Variants in NEBL observed in about 807,000 individuals in gnomAD.
NEBL encodes the protein nebulette, also known as LIM and SH3 protein 2.
In NEBL, 122 loss-of-function variants were observed where a neutral mutation model predicts 140.2. The ratio of observed to expected loss-of-function variants is 0.87; its 90% CI spans 0.75 to 1.01. The LOEUF (loss-of-function observed/expected upper bound fraction) is 1.01. NEBL is among the 50% of genes least tolerant of loss of function. The pLI is 0.00. For synonymous variants in NEBL, 436 were observed against 398.9 expected (o/e 1.09, Z -1.11); for missense variants, 1,365 against 1,231.3 (o/e 1.11, Z -1.62).
chr10:20,796,431 C>T (rs1836552683), intron 26 of NEBL, among the ~76,000 whole-genome samples: 1 of 147,642 alleles, frequency 6.8e-6, no homozygotes, highest in Non-Finnish European at 1.5e-5. Context: ...TCTGCAGTTC[C>T]TAAATATTGA....
rs1332227096 is a variant in NEBL, at chr10:20,781,304, T to C, written c.*4443A>G. On this transcript the variant is annotated 3_prime_UTR_variant, in exon 28 of 28. Coordinates refer to ENST00000377122, the MANE Select transcript of NEBL (RefSeq NM_006393.3). ...TTCAAAACTGTTACACTCTCAAAGT[T>C]AGTCTCGCAAATTAATCATCAACCA... 5 of 152,590 alleles carry C rather than the reference T, an allele frequency of 3.3e-5. No individual in the cohort carries two copies. Among genetic ancestry groups the C allele is most frequent in the African/African-American group, 7.2e-5 (3 of 41,430 alleles). 9.5% of individuals were successfully genotyped at this position (152,590 alleles called of 1,614,324 possible). A position where few individuals can be genotyped will look rare whatever the true frequency, so the allele number is the denominator to read the frequency against.
At chr10:20,962,945 C>G (rs899069947) in intron 3 of NEBL, among the ~76,000 whole-genome samples, 2 of 150,910 alleles carry the variant, frequency 1.3e-5, no homozygotes, top group African/African-American at 4.9e-5. Flanking sequence ...TTCTATCAAG[C>G]ATTATTATCC....
intron 3 of NEBL, among the ~76,000 whole-genome samples, chr10:21,223,479 T>C (rs1459236585): frequency 6.6e-6 from 1 of 152,250 alleles, no homozygotes; most frequent in East Asian, 1.9e-4. Flanking sequence ...CTTCCAAATC[T>C]TGGCTATTAC....
chr10:21,240,901 CACACAT>C (rs1448228518), intron 3 of NEBL, among the ~76,000 whole-genome samples: 1 of 119,982 alleles, frequency 8.3e-6, no homozygotes, highest in Non-Finnish European at 1.7e-5. Context: ...GCAAAACACG[CACACAT>C]ACACACACAC....
chr10:21,057,814 G>A (rs1835099126), intron 2 of NEBL, among the ~76,000 whole-genome samples: 1 of 152,012 alleles, frequency 6.6e-6, no homozygotes, highest in East Asian at 1.9e-4. Context: ...GCCCGCCTTG[G>A]TCTCCCAAAG....
intron 3 of NEBL, among the ~76,000 whole-genome samples, chr10:20,971,251 G>A (rs1718834560): frequency 6.6e-6 from 1 of 152,024 alleles, no homozygotes; most frequent in African/African-American, 2.4e-5. Context: ...TATTAATAAG[G>A]AAAATTGAAG....
chr10:20,887,960 C>A, intron 4 of NEBL, 137 bp downstream of exon 4: 1 of 702,876 alleles, frequency 1.4e-6, no homozygotes. Flanking sequence ...CTACTGACAG[C>A]ACATTAATCA....
At chr10:20,811,481 A>C (rs1838132995) in intron 24 of NEBL, among the ~76,000 whole-genome samples, 1 of 152,170 alleles carries the variant, frequency 6.6e-6, no homozygotes, top group Non-Finnish European at 1.5e-5. Flanking sequence ...TTGAATGAAA[A>C]CATCACAACT....
At chr10:21,149,784 A>T (rs1251819209) in intron 2 of NEBL, among the ~76,000 whole-genome samples, 1 of 152,204 alleles carries the variant, frequency 6.6e-6, no homozygotes, top group Admixed American at 6.5e-5. Flanking sequence ...GCGGTCTTGT[A>T]GGACTGAGCC....
intron 4 of NEBL, among the ~76,000 whole-genome samples, chr10:20,928,007 C>G (rs1833997928): frequency 6.6e-6 from 1 of 152,098 alleles, no homozygotes; most frequent in African/African-American, 2.4e-5. Flanking sequence ...ACGAAATGAA[C>G]TTAATAATAT....
intron 2 of NEBL, among the ~76,000 whole-genome samples, chr10:21,033,356 C>T (rs562888152): frequency 1.3e-5 from 2 of 151,994 alleles, no homozygotes; most frequent in African/African-American, 2.4e-5. Context: ...AGCAAATGTG[C>T]AATATGAACA....
rs1190961728 is a variant in NEBL at position 20,782,668 on chromosome 10, G to A, written c.*3079C>T. The A allele has an allele frequency of 6.6e-6, 1 of 152,228 alleles. No individual in the cohort carries two copies. Among genetic ancestry groups the A allele is most frequent in the Non-Finnish European group, 1.5e-5 (1 of 68,062 alleles). 9.4% of individuals were successfully genotyped at this position (152,228 alleles called of 1,614,324 possible). A position where few individuals can be genotyped will look rare whatever the true frequency, so the allele number is the denominator to read the frequency against. Reference sequence around the variant, plus strand: ...CTGTGCTTACAAATGCCTGTGTGGTGTATGGAGGTCGAGGAGACCTGGGAT... The same window carrying A: ...CTGTGCTTACAAATGCCTGTGTGGTATATGGAGGTCGAGGAGACCTGGGAT... On this transcript the variant is annotated 3_prime_UTR_variant, in exon 28 of 28. Coordinates refer to ENST00000377122, the MANE Select transcript of NEBL (RefSeq NM_006393.3).
intron 2 of NEBL, among the ~76,000 whole-genome samples, chr10:21,063,594 T>G (rs1835395975): frequency 2.6e-5 from 4 of 152,206 alleles, no homozygotes; most frequent in Admixed American, 2.6e-4. Context: ...AGGAATGCTT[T>G]TAAAGATCTC....
intron 21 of NEBL, among the ~76,000 whole-genome samples, chr10:20,816,459 T>C (rs1244826564): frequency 6.6e-6 from 1 of 152,172 alleles, no homozygotes; most frequent in Non-Finnish European, 1.5e-5. Context: ...GTCCACTCCT[T>C]GTCTAAATAA....
At chr10:20,921,107 C>T (rs1344880588) in intron 4 of NEBL, among the ~76,000 whole-genome samples, 1 of 152,068 alleles carries the variant, frequency 6.6e-6, no homozygotes. Flanking sequence ...AGATAATCAC[C>T]CAGAAAGTGA....
chr10:21,243,952 G>GGAAGGA (rs1444207921), intron 3 of NEBL, among the ~76,000 whole-genome samples: 1 of 151,476 alleles, frequency 6.6e-6, no homozygotes, highest in Non-Finnish European at 1.5e-5. Flanking sequence ...AAGGGGAAGG[G>GGAAGGA]GAAGAGGACG....
rs139610204 is a variant in NEBL at position 20,852,645 on chromosome 10, T to C, written c.908A>G (p.Glu303Gly). The C allele has an allele frequency of 6.2e-5, 100 of 1,607,860 alleles. No homozygotes were observed. In the African/African-American group the frequency reaches 1.2e-3, roughly 19 times the overall value. ...GTTTTCCTCAAAGAGCTTTTTATAT[T>C]CTCGCTAAAATACAGAATGGGGAAA... ...LKASKMLSGR[E>G]YKKLFEENKG... Residue 303 changes from glutamate (E) to glycine (G), a missense_variant, in exon 10 of 28, where the codon GAA (glutamate) becomes GGA (glycine). Around this residue, in one of 2 missense-constraint regions of NEBL, gnomAD observed 1,323 missense variants for 1,154.8 expected, o/e 1.15. Coordinates refer to ENST00000377122, the MANE Select transcript of NEBL (RefSeq NM_006393.3).
chr10:20,898,147 T>C (rs750807719), upstream of NEBL, among the ~76,000 whole-genome samples: 6 of 152,256 alleles, frequency 3.9e-5, no homozygotes, highest in Non-Finnish European at 7.4e-5. Flanking sequence ...GTAGTGTATG[T>C]CCTTGGTTAC....
In NEBL at chr10:20,785,646, T is replaced by G; in HGVS notation, c.*101A>C. The G allele has an allele frequency of 1.5e-6, 2 of 1,342,496 alleles. No homozygotes were observed. The highest frequency in any genetic ancestry group is 2.1e-6 in the Non-Finnish European group (2 of 961,494). The allele number at this position is 1,342,496 out of a possible 1,614,324, so 83.2% of individuals were successfully genotyped here. On this transcript the variant is annotated 3_prime_UTR_variant, in exon 28 of 28. Coordinates refer to ENST00000377122, the MANE Select transcript of NEBL (RefSeq NM_006393.3). The stretch of plus-strand genomic sequence containing the variant: ...AATTGTCAAAGGAAGGATACATCAT[T>G]GTAAAATAATGGCCAAGTTGTCTTA...
Sources: allele counts gnomAD v4.1 joint callset (sites outside exome capture counted in the v4.1 genomes callset), GRCh38; gene constraint gnomAD v4.1.1; regional missense constraint gnomAD v4.1.1; transcripts MANE v1.5; gene names NCBI Gene and HGNC (gene_info 2026-07-23, HGNC 2026-07-21).